Variants in ATP6V0A1 observed in about 807,000 individuals in gnomAD.
ATP6V0A1 encodes V-type proton ATPase 116 kDa subunit a 1.
Under a neutral mutation model 105.4 loss-of-function variants are expected in ATP6V0A1, and 43 were observed. That is an observed-to-expected ratio of 0.41 (90% CI 0.32 to 0.53). The LOEUF (loss-of-function observed/expected upper bound fraction) is 0.53, where lower values mean the gene tolerates loss of function less well. Among genes scored for constraint, ATP6V0A1 ranks in the 20% least tolerant of loss-of-function variants. The pLI is 0.30. For synonymous variants in ATP6V0A1, 362 were observed against 372.8 expected (o/e 0.97, Z 0.33); for missense variants, 676 against 1,051.1 (o/e 0.64, Z 4.93).
At chr17:42,491,609 G>A (rs1363980593) in intron 11 of ATP6V0A1, among the ~76,000 whole-genome samples, 2 of 152,090 alleles carry the variant, frequency 1.3e-5, no homozygotes, top group Non-Finnish European at 2.9e-5. Flanking sequence ...TCAGCCTCCC[G>A]AGTAGCTGGG....
chr17:42,486,167 CTT>C (rs2090088233), intron 9 of ATP6V0A1, among the ~76,000 whole-genome samples: 1 of 152,114 alleles, frequency 6.6e-6, no homozygotes, highest in Non-Finnish European at 1.5e-5. Flanking sequence ...AATCCCAACA[CTT>C]TGGGAGGCCG....
chr17:42,499,738 A>G (rs1039429632), intron 15 of ATP6V0A1, among the ~76,000 whole-genome samples: 3 of 151,960 alleles, frequency 2.0e-5, no homozygotes. Context: ...CAGTAAACCA[A>G]GATAACACCA....
Position 42,521,150 on chromosome 17 carries a change from A to C in ATP6V0A1, c.*30A>C, listed in dbSNP as rs770509945. The C allele has an allele frequency of 7.8e-5, 121 of 1,546,602 alleles. No individual in the cohort carries two copies. The highest frequency in any genetic ancestry group is 7.3e-5 in the Non-Finnish European group (83 of 1,136,218). Reference sequence around the variant, plus strand: ...CTGTGAGGGCCGTGTGCCCCATGCTACCCTCCCCGCCTCCCTCCACAGTGA... The same window carrying C: ...CTGTGAGGGCCGTGTGCCCCATGCTCCCCTCCCCGCCTCCCTCCACAGTGA... On this transcript the variant is annotated 3_prime_UTR_variant, in exon 22 of 22. Transcript: ENST00000343619. This position sits in a 1 kb window ranked among gnomAD's most constrained non-coding sequence, Gnocchi z 4.8.
chr17:42,507,515 T>C lies in ATP6V0A1; in HGVS notation c.2005-5T>C. On this transcript the variant is annotated splice_polypyrimidine_tract_variant and splice_region_variant and intron_variant, in intron 17 of 21. Transcript: ENST00000343619. ...AAATTCTACTCTTTCTGTTCATCTG[T>C]GTAGGGAACTCTCAACTTTGGTGGG... 3 of 1,606,234 alleles carry C rather than the reference T, an allele frequency of 1.9e-6. No homozygotes were observed. The highest frequency in any genetic ancestry group is 2.6e-6 in the Non-Finnish European group (3 of 1,173,468).
At chr17:42,472,416 T>G (rs908728270) in intron 5 of ATP6V0A1, among the ~76,000 whole-genome samples, 1 of 151,872 alleles carries the variant, frequency 6.6e-6, no homozygotes, top group Non-Finnish European at 1.5e-5. Flanking sequence ...TATATATAGT[T>G]TTTATTTTTA....
chr17:42,513,426 C>T, intron 19 of ATP6V0A1: 1 of 166,376 alleles, frequency 6.0e-6, no homozygotes. Context: ...TCCTGAAGCG[C>T]ACTCTGGGGA....
intron 5 of ATP6V0A1, among the ~76,000 whole-genome samples, chr17:42,476,687 G>A (rs1446808242): frequency 6.6e-6 from 1 of 152,142 alleles, no homozygotes; most frequent in Non-Finnish European, 1.5e-5. Context: ...GCTAGGAAAT[G>A]TAGACCTGCG....
intron 3 of ATP6V0A1, 81 bp downstream of exon 3, chr17:42,466,588 G>C: frequency 8.3e-7 from 1 of 1,198,946 alleles, no homozygotes. Flanking sequence ...TCTTAATAGA[G>C]GAAGAAAATG....
At chr17:42,462,121 G>A (rs1321573734) in intron 2 of ATP6V0A1, among the ~76,000 whole-genome samples, 3 of 151,360 alleles carry the variant, frequency 2.0e-5, no homozygotes, top group South Asian at 2.1e-4. Flanking sequence ...AAGCTAAGGT[G>A]GGAGGATCGC....
At chr17:42,511,273 G>T (rs148848908) in intron 19 of ATP6V0A1, 1 of 152,252 alleles carries the variant, frequency 6.6e-6, no homozygotes, top group African/African-American at 2.4e-5. Flanking sequence ...GGTGGCTCAC[G>T]CCTGTAATCC....
chr17:42,499,242 C>T (rs1223233724), intron 15 of ATP6V0A1, among the ~76,000 whole-genome samples, 200 bp downstream of exon 15: 2 of 151,944 alleles, frequency 1.3e-5, no homozygotes, highest in Non-Finnish European at 2.9e-5. Flanking sequence ...AGGCCAAGGC[C>T]GGTGGATCAC....
chr17:42,480,163 A>G (rs2089309780), intron 7 of ATP6V0A1: 1 of 152,120 alleles, frequency 6.6e-6, no homozygotes, highest in South Asian at 2.1e-4. Flanking sequence ...TAAATTTGGT[A>G]TTTGGAATGG....
At chr17:42,458,986 G>C (rs2086065418) in intron 1 of ATP6V0A1, 23 bp downstream of exon 1, 1 of 152,664 alleles carries the variant, frequency 6.6e-6, no homozygotes, top group Admixed American at 6.5e-5. Context: ...TGTAGGTTTA[G>C]CGCAACAGGG....
At chr17:42,509,551 C>T (rs1036558706) in intron 19 of ATP6V0A1, among the ~76,000 whole-genome samples, 1 of 152,218 alleles carries the variant, frequency 6.6e-6, no homozygotes, top group Non-Finnish European at 1.5e-5. Context: ...CCTTTGCTGG[C>T]ATCAAAGAGT....
intron 17 of ATP6V0A1, chr17:42,507,239 G>T: frequency 3.1e-6 from 1 of 319,210 alleles, no homozygotes; most frequent in Non-Finnish European, 5.9e-6. Context: ...AATTAGTGTT[G>T]ACCCAGGTGA....
intron 19 of ATP6V0A1, 62 bp from the exon 20 acceptor site, chr17:42,513,799 C>T (rs773550555): frequency 6.7e-7 from 1 of 1,500,148 alleles, no homozygotes; most frequent in Non-Finnish European, 9.3e-7. Flanking sequence ...AGCCACAACT[C>T]AGAATGCCTG....
chr17:42,515,114 G>A (rs1855023616), intron 21 of ATP6V0A1, among the ~76,000 whole-genome samples: 1 of 152,120 alleles, frequency 6.6e-6, no homozygotes, highest in African/African-American at 2.4e-5. Flanking sequence ...GACTGGGAGA[G>A]CGGGGGTGTG....
At chr17:42,493,062 G>T (rs187999229) in intron 11 of ATP6V0A1, among the ~76,000 whole-genome samples, 2 of 152,246 alleles carry the variant, frequency 1.3e-5, no homozygotes, top group East Asian at 3.9e-4. Flanking sequence ...TGCCCTCACA[G>T]CCCTAAAACA....
At chr17:42,513,790 G>A in intron 19 of ATP6V0A1, 71 bp from the exon 20 acceptor site, 2 of 1,447,736 alleles carry the variant, frequency 1.4e-6, no homozygotes, top group Non-Finnish European at 1.9e-6. Context: ...GCGCCAAGTA[G>A]CCACAACTCA....
Sources: allele counts gnomAD v4.1 joint callset (sites outside exome capture counted in the v4.1 genomes callset), GRCh38; gene constraint gnomAD v4.1.1; non-coding constraint Gnocchi (gnomAD v3.1); transcripts MANE v1.5; gene names NCBI Gene and HGNC (gene_info 2026-07-23, HGNC 2026-07-21).